Variants in MAGI1 observed in about 807,000 individuals in gnomAD.
MAGI1 encodes the protein membrane-associated guanylate kinase, WW and PDZ domain-containing protein 1.
In MAGI1, 58 loss-of-function variants were observed where a neutral mutation model predicts 139.9. That is an observed-to-expected ratio of 0.41 (90% confidence interval 0.34 to 0.52). MAGI1 has a LOEUF of 0.52. Among genes scored for constraint, MAGI1 ranks in the 20% least tolerant of loss-of-function variants. The pLI, the probability that MAGI1 is intolerant of heterozygous loss-of-function variation, is 0.12. For missense variants in MAGI1, 1,874 were observed against 1,901.6 expected (o/e 0.99, Z 0.27); for synonymous variants, 812 against 737.9 (o/e 1.10, Z -1.63).
At chr3:66,018,005 A>AT (rs2107536101) in intron 1 of MAGI1, among the ~76,000 whole-genome samples, 1 of 149,680 alleles carries the variant, frequency 6.7e-6, no homozygotes, top group East Asian at 2.0e-4. Flanking sequence ...TCTTGGACTC[A>AT]TTTATTTTTC....
intron 1 of MAGI1, among the ~76,000 whole-genome samples, chr3:65,664,489 A>T (rs927394925): frequency 6.6e-6 from 1 of 152,248 alleles, no homozygotes; most frequent in Admixed American, 6.5e-5. Flanking sequence ...TCTGGCCAAG[A>T]TAAATTAAAT....
intron 2 of MAGI1, among the ~76,000 whole-genome samples, chr3:65,497,972 G>A (rs1214542060): frequency 6.6e-6 from 1 of 152,156 alleles, no homozygotes; most frequent in Non-Finnish European, 1.5e-5. Context: ...GCTAGCAGGA[G>A]GTTTCCCAGC....
Position 65,670,233 on chromosome 3 carries a change from A to G in MAGI1, c.314-48145T>C, listed in dbSNP as rs556357465. On this transcript the variant is annotated intron_variant, in intron 1 of 22. Transcript: ENST00000402939. ...TTGTGGGGAAAAAACATTGAAATCC[A>G]TGTATAGTTGTATCCTATTGTGTAC... 9.2e-5 allele frequency among the ~76,000 whole-genome samples: 14 copies of G among 152,274 alleles called. No individual in the cohort carries two copies. The South Asian group carries it at 2.9e-3, about 32-fold the overall frequency.
chr3:65,445,878 AC>A (rs1948646468), intron 7 of MAGI1, among the ~76,000 whole-genome samples: 1 of 152,224 alleles, frequency 6.6e-6, no homozygotes, highest in African/African-American at 2.4e-5. Context: ...ATCTGGAATT[AC>A]ATTGTTCACT....
chr3:65,812,464 T>TCACA (rs1266501515), intron 1 of MAGI1, among the ~76,000 whole-genome samples: 1 of 93,654 alleles, frequency 1.1e-5, no homozygotes, highest in African/African-American at 3.6e-5. Flanking sequence ...TCTCTCTCTC[T>TCACA]CTCTCACACA....
intron 1 of MAGI1, among the ~76,000 whole-genome samples, chr3:65,697,121 T>G (rs1448818313): frequency 6.6e-6 from 1 of 152,080 alleles, no homozygotes; most frequent in African/African-American, 2.4e-5. Flanking sequence ...CTAGAAAATC[T>G]AGAAGAAATG....
At chr3:65,394,156 C>T (rs1944187673) in intron 13 of MAGI1, among the ~76,000 whole-genome samples, 1 of 152,160 alleles carries the variant, frequency 6.6e-6, no homozygotes, top group Non-Finnish European at 1.5e-5. Context: ...AGATCTCTTA[C>T]ATTTAACTGA....
intron 2 of MAGI1, among the ~76,000 whole-genome samples, chr3:65,507,279 A>T (rs1472004704): frequency 6.6e-6 from 1 of 152,244 alleles, no homozygotes; most frequent in Non-Finnish European, 1.5e-5. Context: ...CCATTTGTTA[A>T]CACATGCTTT....
intron 2 of MAGI1, 57 bp from the exon 3 acceptor site, chr3:65,493,688 C>T (rs772897210): frequency 1.0e-5 from 16 of 1,603,692 alleles, no homozygotes; most frequent in Middle Eastern, 3.3e-4. Flanking sequence ...ACAGGAAGTT[C>T]CACATCCAGG....
At chr3:65,688,206 A>T (rs914903943) in intron 1 of MAGI1, 125 of 782,554 alleles carry the variant, frequency 1.6e-4, no homozygotes, top group Non-Finnish European at 2.3e-4. Flanking sequence ...CACAGTCATG[A>T]CCCTAGAACA....
intron 1 of MAGI1, among the ~76,000 whole-genome samples, chr3:65,775,717 GGT>G (rs1553705267): frequency 6.6e-6 from 1 of 151,524 alleles, no homozygotes; most frequent in Non-Finnish European, 1.5e-5. Flanking sequence ...GAGGTGGGCG[GGT>G]TGCTTGAGCC....
chr3:65,405,396 A>C (rs976259155), intron 12 of MAGI1, among the ~76,000 whole-genome samples: 14 of 152,214 alleles, frequency 9.2e-5, no homozygotes, highest in African/African-American at 3.4e-4. Context: ...TATATGAAAA[A>C]AGTAAAGCTG....
At chr3:65,814,042 G>C (rs1440665500) in intron 1 of MAGI1, among the ~76,000 whole-genome samples, 1 of 151,782 alleles carries the variant, frequency 6.6e-6, no homozygotes, top group Non-Finnish European at 1.5e-5. Context: ...AGATGCTAAG[G>C]ACTATTATGC....
chr3:65,828,634 G>A (rs1304000355), intron 1 of MAGI1, among the ~76,000 whole-genome samples: 10 of 152,212 alleles, frequency 6.6e-5, no homozygotes, highest in Admixed American at 6.5e-4. Context: ...CTGAATAATG[G>A]CCCCCTAATG....
intron 13 of MAGI1, 88 bp downstream of exon 13, chr3:65,401,351 G>C: frequency 6.8e-7 from 1 of 1,480,816 alleles, no homozygotes; most frequent in Non-Finnish European, 9.2e-7. Context: ...ATTTAGTGAA[G>C]TGAAGCCACA....
At chr3:65,569,440 T>C (rs1159524587) in intron 2 of MAGI1, among the ~76,000 whole-genome samples, 1 of 152,216 alleles carries the variant, frequency 6.6e-6, no homozygotes, top group East Asian at 1.9e-4. Context: ...ATTTTTGTTA[T>C]GTATATTTTA....
At chr3:65,357,790 G>C (rs1940344952) in intron 22 of MAGI1, among the ~76,000 whole-genome samples, 1 of 152,154 alleles carries the variant, frequency 6.6e-6, no homozygotes, top group Non-Finnish European at 1.5e-5. Context: ...AGCAGGCAAA[G>C]GGGATTACAG....
intron 2 of MAGI1, chr3:65,610,084 C>A (rs1169645969): frequency 1.2e-5 from 1 of 84,816 alleles, no homozygotes; most frequent in South Asian, 3.4e-4. Flanking sequence ...TTTACCTACT[C>A]CATGTTCCTT....
intron 2 of MAGI1, among the ~76,000 whole-genome samples, chr3:65,536,236 C>T (rs79197928): frequency 6.6e-6 from 1 of 152,308 alleles, no homozygotes; most frequent in East Asian, 1.9e-4. Context: ...GCTACAAGTT[C>T]TGTGAAGCCT....
Sources: allele counts gnomAD v4.1 joint callset (sites outside exome capture counted in the v4.1 genomes callset), GRCh38; gene constraint gnomAD v4.1.1; transcripts MANE v1.5; gene names NCBI Gene and HGNC (gene_info 2026-07-23, HGNC 2026-07-21).